The following CACNA2D1 variants were observed in gnomAD, a reference collection of about 807,000 sequenced individuals.
The protein encoded by CACNA2D1 is voltage-dependent calcium channel subunit alpha-2/delta-1.
A neutral mutation model predicts 171.5 loss-of-function variants in CACNA2D1; 53 were observed. The ratio of observed to expected loss-of-function variants is 0.31; its 90% CI spans 0.25 to 0.39. The LOEUF is 0.39. Among genes scored for constraint, CACNA2D1 ranks in the 10% least tolerant of loss-of-function variants. The pLI, the probability that CACNA2D1 is intolerant of heterozygous loss-of-function variation, is 1.00. For missense variants in CACNA2D1, 903 were observed against 1,299.8 expected, an observed-to-expected ratio of 0.69 and a Z score of 4.69; for synonymous variants, 442 against 443.1, an observed-to-expected ratio of 1.00 and a Z score of 0.03.
At chr7:82,252,564 C>A (rs536764337) in intron 3 of CACNA2D1, among the ~76,000 whole-genome samples, 1 of 152,216 alleles carries the variant, frequency 6.6e-6, no homozygotes, top group South Asian at 2.1e-4. Context: ...AATGTCACTG[C>A]CATTTGATAA....
At chr7:82,069,358 C>T (rs1808038973) in intron 7 of CACNA2D1, among the ~76,000 whole-genome samples, 1 of 152,100 alleles carries the variant, frequency 6.6e-6, no homozygotes, top group African/African-American at 2.4e-5. Context: ...TTTAGTGTTT[C>T]AGGAAGATTT....
chr7:82,016,610 GCCC>G (rs5885263), intron 12 of CACNA2D1, among the ~76,000 whole-genome samples: 6 of 50,710 alleles, frequency 1.2e-4, no homozygotes, highest in African/African-American at 7.3e-4. Flanking sequence ...CTAGCCGCCC[GCCC>G]CCCCCCCCCA....
At chr7:82,170,145 T>C (rs912873238) in intron 4 of CACNA2D1, among the ~76,000 whole-genome samples, 1 of 151,960 alleles carries the variant, frequency 6.6e-6, no homozygotes, top group African/African-American at 2.4e-5. Flanking sequence ...AAGGTGATTA[T>C]AATATGTATA....
chr7:82,128,096 G>GC (rs754987846), intron 5 of CACNA2D1, among the ~76,000 whole-genome samples: 3 of 142,324 alleles, frequency 2.1e-5, no homozygotes, highest in African/African-American at 7.7e-5. Context: ...GCTAATTTTA[G>GC]TTTTTTTTTT....
intron 4 of CACNA2D1, among the ~76,000 whole-genome samples, chr7:82,163,214 G>A (rs990546794): frequency 6.6e-6 from 1 of 151,938 alleles, no homozygotes; most frequent in Non-Finnish European, 1.5e-5. Context: ...ACATCTGAAG[G>A]GAGATAGTAC....
intron 3 of CACNA2D1, among the ~76,000 whole-genome samples, chr7:82,204,832 G>C (rs181547398): frequency 3.3e-4 from 51 of 152,254 alleles, no homozygotes; most frequent in Admixed American, 7.8e-4. Context: ...TGGAGTGTAA[G>C]GAAAATGGAT....
chr7:82,027,953 C>T (rs576494768), intron 12 of CACNA2D1: 1 of 152,188 alleles, frequency 6.6e-6, no homozygotes, highest in South Asian at 2.0e-4. Context: ...GATGTAGAAG[C>T]TGCAGCAAGT....
chr7:82,048,920 T>C (rs1322925636), intron 10 of CACNA2D1, among the ~76,000 whole-genome samples: 2 of 151,942 alleles, frequency 1.3e-5, no homozygotes, highest in Non-Finnish European at 1.5e-5. Context: ...AAAACAATAG[T>C]TCAGTTTAGA....
At chr7:82,098,456 T>C (rs1427800482) in intron 6 of CACNA2D1, among the ~76,000 whole-genome samples, 1 of 152,210 alleles carries the variant, frequency 6.6e-6, no homozygotes, top group Non-Finnish European at 1.5e-5. Flanking sequence ...AAAATCATTA[T>C]TGATGTAAAT....
rs1296231803 is a variant in CACNA2D1 at position 82,170,594 on chromosome 7, C to T, written c.310G>A (p.Ala104Thr). 2 of 1,612,606 alleles carry T rather than the reference C, an allele frequency of 1.2e-6. No homozygotes were observed. Among genetic ancestry groups the T allele is most frequent in the Non-Finnish European group, 1.7e-6 (2 of 1,179,068 alleles). Reference protein sequence around the residue: ...SKALVRLALEAEKVQAAHQWR... With the variant: ...SKALVRLALETEKVQAAHQWR... ...TGGTGAGCTGCTTGAACTTTCTCCG[C>T]TTCCAATGCCAGGCGCTGAAAAACA... Residue 104 changes from alanine to threonine, a missense_variant, in exon 4 of 39, where the codon GCG becomes ACG. This residue lies in a region of CACNA2D1 where 189 missense variants were observed against 266.8 expected (regional missense o/e 0.71). Transcript: ENST00000356860.
At chr7:82,055,980 G>T (rs1242599511) in intron 10 of CACNA2D1, among the ~76,000 whole-genome samples, 5 of 68,968 alleles carry the variant, frequency 7.2e-5, no homozygotes, top group Admixed American at 2.1e-4. Flanking sequence ...ATCCCAAAAG[G>T]TTACATGACA....
intron 38 of CACNA2D1, among the ~76,000 whole-genome samples, chr7:81,955,980 ATTTTTTTTTT>A (rs1164601123): frequency 8.1e-4 from 28 of 34,558 alleles, no homozygotes; most frequent in South Asian, 4.6e-3. Context: ...ATATATATAT[ATTTTTTTTTT>A]TTTTTTTTTT....
chr7:82,321,599 T>C (rs994198922), intron 3 of CACNA2D1, among the ~76,000 whole-genome samples: 7 of 152,126 alleles, frequency 4.6e-5, no homozygotes, highest in Non-Finnish European at 8.8e-5. Flanking sequence ...TCCCACAATG[T>C]CTGGCAATAA....
chr7:82,087,760 T>C (rs1268850842), intron 6 of CACNA2D1, among the ~76,000 whole-genome samples: 1 of 152,096 alleles, frequency 6.6e-6, no homozygotes, highest in Non-Finnish European at 1.5e-5. Flanking sequence ...TAAAATTAAA[T>C]AGCTCATCCA....
At chr7:82,396,667 T>G (rs776467261) in intron 1 of CACNA2D1, among the ~76,000 whole-genome samples, 8 of 152,210 alleles carry the variant, frequency 5.3e-5, no homozygotes, top group Non-Finnish European at 1.0e-4. Flanking sequence ...CATTATTATC[T>G]TGAAGCTTGA....
At chr7:82,413,895 T>G (rs918961207) in intron 1 of CACNA2D1, among the ~76,000 whole-genome samples, 3 of 152,116 alleles carry the variant, frequency 2.0e-5, no homozygotes, top group Non-Finnish European at 2.9e-5. Flanking sequence ...ATACCATGAA[T>G]TATTTTATTA....
chr7:82,269,342 G>T (rs564071079), intron 3 of CACNA2D1, among the ~76,000 whole-genome samples: 1 of 152,034 alleles, frequency 6.6e-6, no homozygotes, highest in Non-Finnish European at 1.5e-5. Context: ...AAATCCAGAT[G>T]TGCCCACTCT....
Position 82,335,126 on chromosome 7 carries a change from T to C in CACNA2D1, c.294+9A>G. On this transcript the variant is annotated intron_variant, in intron 3 of 38. Coordinates refer to ENST00000356860, the MANE Select transcript of CACNA2D1 (RefSeq NM_000722.4). ...AATAATAAAATGAGCAGATCCAATT[T>C]AAACTCACCACCAGGGCTTTAGATC... 6.6e-7 allele frequency: 1 copy of C among 1,513,532 alleles called. No individual in the cohort carries two copies. The highest frequency in any genetic ancestry group is 9.2e-7 in the Non-Finnish European group (1 of 1,088,266). 93.8% of individuals were successfully genotyped at this position (1,513,532 alleles called of 1,614,324 possible). A position where few individuals can be genotyped will look rare whatever the true frequency, so the allele number is the denominator to read the frequency against.
At chr7:82,092,898 ACAT>A (rs1811386415) in intron 6 of CACNA2D1, among the ~76,000 whole-genome samples, 1 of 152,178 alleles carries the variant, frequency 6.6e-6, no homozygotes, top group Admixed American at 6.5e-5. Context: ...GTTTAAAAAA[ACAT>A]CAGAAACTCT....
Sources: gnomAD v4.1 joint callset for allele counts (sites outside exome capture counted in the v4.1 genomes callset) on GRCh38, gnomAD v4.1.1 for gene constraint, gnomAD v4.1.1 regional missense constraint, MANE v1.5 for transcripts, NCBI Gene and HGNC (gene_info 2026-07-23, HGNC 2026-07-21) for gene names.